The following CAMK2B variants were observed in gnomAD, a reference collection of about 807,000 sequenced individuals.
The protein encoded by CAMK2B is calcium/calmodulin dependent protein kinase II beta.
Under a neutral mutation model 93.7 loss-of-function variants are expected in CAMK2B, and 27 were observed. That is an observed-to-expected ratio of 0.29 (90% confidence interval 0.21 to 0.40). CAMK2B has a LOEUF of 0.40. Ranked by LOEUF, CAMK2B falls within the 10% of genes least tolerant of loss-of-function variation. The probability of loss-of-function intolerance (pLI) is 1.00; values close to 1 mark genes in which losing one functional copy is unlikely to be tolerated. For missense variants in CAMK2B, 568 were observed against 895.8 expected (o/e 0.63, Z 4.67); for synonymous variants, 374 against 358.8 (o/e 1.04, Z -0.48).
At chr7:44,321,112 A>C (rs887614977) in intron 1 of CAMK2B, among the ~76,000 whole-genome samples, 5 of 152,188 alleles carry the variant, frequency 3.3e-5, no homozygotes, top group African/African-American at 1.2e-4. Context: ...CTGGGGAGAG[A>C]GAAAGCAAAT....
In CAMK2B at chr7:44,226,709, T is replaced by C. The variant is rs1583787811; in HGVS notation, c.1469-65A>G. ...CGGGGGGCACGCAGGAGAGAAACCA[T>C]GGGCAGACAGCCAAGCCAGAGATTG... On this transcript the variant is annotated intron_variant, in intron 19 of 23. Transcript: ENST00000395749. 5 of 1,184,792 alleles carry C rather than the reference T, an allele frequency of 4.2e-6. No homozygotes were observed. The Admixed American group carries it at 2.2e-4, about 53-fold the overall frequency. 73.4% of individuals were successfully genotyped at this position (1,184,792 alleles called of 1,614,324 possible).
chr7:44,242,147 G>A, intron 10 of CAMK2B, 71 bp downstream of exon 10: 2 of 1,542,584 alleles, frequency 1.3e-6, no homozygotes, highest in Non-Finnish European at 1.8e-6. Flanking sequence ...TGGGGTCCTT[G>A]CCAGGGGAGT....
At position 44,236,128 on chromosome 7, in the gene CAMK2B, T is replaced by TCCAGGTTG. The variant is rs370651494; in HGVS notation, c.1022-1460_1022-1453dup. ...TCCCGGTGGTTCTGACGCTGGGTGC[T>TCCAGGTTG]CCAGGTTGCCGTGGAGATCAGGAGG... On this transcript the variant is annotated intron_variant, in intron 13 of 23. Transcript: ENST00000395749. Among the ~76,000 whole-genome samples, 646 of 152,234 alleles carry TCCAGGTTG rather than the reference T, an allele frequency of 4.2e-3. 1 individual carries two copies. The highest frequency in any genetic ancestry group is 6.8e-3 in the Middle Eastern group (2 of 294).
intron 1 of CAMK2B, among the ~76,000 whole-genome samples, chr7:44,297,798 T>C (rs1788700895): frequency 6.6e-6 from 1 of 151,922 alleles, no homozygotes; most frequent in Non-Finnish European, 1.5e-5. Flanking sequence ...AAAAACAAAG[T>C]TGGGGGACTC....
chr7:44,302,451 G>T (rs1213523270), intron 1 of CAMK2B, among the ~76,000 whole-genome samples: 3 of 152,072 alleles, frequency 2.0e-5, no homozygotes, highest in African/African-American at 7.2e-5. Flanking sequence ...ATTATTTAAA[G>T]AAAAGAAATA....
intron 8 of CAMK2B, among the ~76,000 whole-genome samples, chr7:44,242,922 A>G (rs978078587): frequency 6.6e-6 from 1 of 152,068 alleles, no homozygotes; most frequent in East Asian, 1.9e-4. Context: ...GGAGACCCCT[A>G]CCCAAGGAGG....
At chr7:44,278,893 G>C (rs1049186520) in intron 2 of CAMK2B, among the ~76,000 whole-genome samples, 4 of 152,200 alleles carry the variant, frequency 2.6e-5, no homozygotes, top group Non-Finnish European at 5.9e-5. Flanking sequence ...CAAGAGTTCT[G>C]AGGCTCCACT....
intron 5 of CAMK2B, among the ~76,000 whole-genome samples, chr7:44,254,158 CACAA>C (rs1016097143): frequency 6.6e-6 from 1 of 152,144 alleles, no homozygotes; most frequent in Admixed American, 6.5e-5. Flanking sequence ...GCAGCCGGGC[CACAA>C]ACAGTCATCT....
chr7:44,232,200 C>T (rs2096586107), intron 16 of CAMK2B, among the ~76,000 whole-genome samples: 1 of 70 alleles, frequency 0.014, no homozygotes, highest in Non-Finnish European at 0.042. Flanking sequence ...CACAGAGGCA[C>T]TCTGGGGCTC....
intron 2 of CAMK2B, among the ~76,000 whole-genome samples, chr7:44,276,290 T>C (rs2129072104): frequency 6.6e-6 from 1 of 152,198 alleles, no homozygotes; most frequent in Admixed American, 6.5e-5. Flanking sequence ...TTGTCCTCTA[T>C]TAACCCAGTT....
rs537256719 is a variant in CAMK2B at position 44,305,407 on chromosome 7, C to T, written c.65+19950G>A. On this transcript the variant is annotated intron_variant, in intron 1 of 23. Coordinates refer to ENST00000395749, the MANE Select transcript of CAMK2B (RefSeq NM_001220.5). ...GCCAAGGTGGGAGGATTGCTTGAGC[C>T]CAGGAGTTCAAGGTTACAGTGAGTT... is the stretch of plus-strand genomic sequence containing the variant. 3.9e-5 allele frequency among the ~76,000 whole-genome samples: 6 copies of T among 152,204 alleles called. No homozygotes were observed. In the East Asian group the frequency reaches 7.7e-4, roughly 20 times the overall value.
rs780130215 is a variant in CAMK2B at position 44,242,559 on chromosome 7, C to T, written c.696+1G>A. The T allele has an allele frequency of 6.2e-7, 1 of 1,603,846 alleles. No individual in the cohort carries two copies. On this transcript the variant is annotated splice_donor_variant, in intron 9 of 23. Transcript: ENST00000395749. LOFTEE classifies it high-confidence loss of function. Reference sequence around the variant, plus strand: ...CATCAGAGAGGGGCTGGTGCACTCACGTCATAGGCACCAGCCTTGATCTGC... The same window carrying T: ...CATCAGAGAGGGGCTGGTGCACTCATGTCATAGGCACCAGCCTTGATCTGC...
intron 13 of CAMK2B, among the ~76,000 whole-genome samples, chr7:44,237,210 C>T (rs1246453384): frequency 1.3e-5 from 2 of 152,268 alleles, no homozygotes; most frequent in African/African-American, 4.8e-5. Flanking sequence ...CAGTTAGGCC[C>T]ATCGGCGGGG....
chr7:44,315,122 C>T (rs910072243), intron 1 of CAMK2B, among the ~76,000 whole-genome samples: 1 of 152,126 alleles, frequency 6.6e-6, no homozygotes, highest in African/African-American at 2.4e-5. Flanking sequence ...GTTGTTTATG[C>T]TTGTGGTGTC....
chr7:44,280,273 C>A (rs1283556266), intron 2 of CAMK2B, among the ~76,000 whole-genome samples: 1 of 152,214 alleles, frequency 6.6e-6, no homozygotes, highest in Non-Finnish European at 1.5e-5. Context: ...CCTGCATGGG[C>A]CCACAGGTGT....
intron 1 of CAMK2B, among the ~76,000 whole-genome samples, chr7:44,288,464 G>A (rs575346752): frequency 1.5e-4 from 23 of 152,324 alleles, no homozygotes; most frequent in African/African-American, 4.1e-4. Context: ...ATCCCAGGTC[G>A]CTGTTCCTGT....
chr7:44,230,505 C>G (rs1317955114), intron 17 of CAMK2B, among the ~76,000 whole-genome samples: 1 of 152,154 alleles, frequency 6.6e-6, no homozygotes, highest in African/African-American at 2.4e-5. Context: ...AGACATTGGC[C>G]TGGGTGAGCA....
intron 1 of CAMK2B, among the ~76,000 whole-genome samples, chr7:44,290,917 G>C (rs1264939040): frequency 6.6e-6 from 1 of 152,172 alleles, no homozygotes; most frequent in East Asian, 1.9e-4. Context: ...TAAACAAGAG[G>C]GTCTACAGAA....
rs188937606 is a variant in CAMK2B at position 44,322,863 on chromosome 7, G to A, written c.65+2494C>T. 2.0e-3 allele frequency among the ~76,000 whole-genome samples: 306 copies of A among 152,356 alleles called. 3 individuals carry two copies. Among genetic ancestry groups the A allele is most frequent in the African/African-American group, 6.8e-3 (283 of 41,576 alleles). ...CCTTCCTTTGGGCAGGGAGCTCAGC[G>A]CCACCTGACTGGGTGCCAGTGGCTG... is the stretch of plus-strand genomic sequence containing the variant. On this transcript the variant is annotated intron_variant, in intron 1 of 23. Transcript: ENST00000395749.
Sources: gnomAD v4.1 joint callset for allele counts (sites outside exome capture counted in the v4.1 genomes callset) on GRCh38, gnomAD v4.1.1 for gene constraint, MANE v1.5 for transcripts, NCBI Gene and HGNC (gene_info 2026-07-23, HGNC 2026-07-21) for gene names.